C12orf56: variants seen among roughly 807,000 people sequenced by gnomAD.
C12orf56 encodes the protein chromosome 12 open reading frame 56.
In C12orf56, 71 loss-of-function variants were observed where a neutral mutation model predicts 69.9. The observed-to-expected ratio is 1.02, with a 90% CI of 0.84 to 1.24. The LOEUF is 1.24. C12orf56 is among the 50% of genes most tolerant of loss of function. C12orf56 has a pLI of 0.00. For synonymous variants in C12orf56, 276 were observed against 274.1 expected (o/e 1.01, Z -0.07); for missense variants, 732 against 738.5 (o/e 0.99, Z 0.10).
At chr12:64,282,897 A>G (rs2136762517) in intron 8 of C12orf56, among the ~76,000 whole-genome samples, 1 of 152,036 alleles carries the variant, frequency 6.6e-6, no homozygotes, top group East Asian at 1.9e-4. Context: ...TAATCCCAGC[A>G]CTTTGGGAGG....
Position 64,277,765 on chromosome 12 carries a change from TC to T in C12orf56, c.1348del (p.Glu450SerfsTer21). 1 of 1,601,884 alleles carries T rather than the reference TC, an allele frequency of 6.2e-7. No homozygotes were observed. The highest frequency in any genetic ancestry group is 8.5e-7 in the Non-Finnish European group (1 of 1,172,926). ...LFNLLVILIS[E>X]PQIPKSCPVF... ...AGGACAAGATTTTGGAATCTGAGGC[TC>T]ACTAATTAAAATTACCAAGAGATTA... On this transcript the variant is annotated frameshift_variant, in exon 9 of 13. Coordinates refer to ENST00000543942, the MANE Select transcript of C12orf56 (RefSeq NM_001170633.2). LOFTEE classifies it high-confidence loss of function.
rs180944120 is a variant in C12orf56 at position 64,379,645 on chromosome 12, T to C, written c.252+10669A>G. 5.1e-3 allele frequency among the ~76,000 whole-genome samples: 776 copies of C among 152,140 alleles called. 3 individuals carry two copies. Among genetic ancestry groups the C allele is most frequent in the Non-Finnish European group, 8.4e-3 (570 of 68,004 alleles). On this transcript the variant is annotated intron_variant, in intron 1 of 12. Transcript: ENST00000543942. ...ATAATTTAGAAAAAGACAAATTGAC[T>C]GATGTGAGTTTACCACTTCCTGCTG...
chr12:64,329,524 TA>T (rs1269564102), intron 3 of C12orf56, among the ~76,000 whole-genome samples: 2 of 144,094 alleles, frequency 1.4e-5, no homozygotes, highest in Non-Finnish European at 3.1e-5. Flanking sequence ...TTTATTTATT[TA>T]TTTATTTTTT....
At chr12:64,308,529 A>G (rs1427815464) in intron 5 of C12orf56, among the ~76,000 whole-genome samples, 2 of 151,954 alleles carry the variant, frequency 1.3e-5, no homozygotes, top group Non-Finnish European at 1.5e-5. Flanking sequence ...ATACATCAAA[A>G]TGGAGAAAAT....
intron 6 of C12orf56, chr12:64,293,157 C>T (rs989014057): frequency 6.6e-6 from 1 of 152,348 alleles, no homozygotes; most frequent in Non-Finnish European, 1.5e-5. Context: ...GGAAAGGGAA[C>T]TCCCTGACCC....
intron 12 of C12orf56, among the ~76,000 whole-genome samples, chr12:64,269,714 G>C (rs959432982): frequency 2.0e-5 from 3 of 151,538 alleles, no homozygotes; most frequent in Non-Finnish European, 4.4e-5. Context: ...TCAGCCTCCC[G>C]AATAGCTGGG....
At chr12:64,318,102 C>T (rs1403855037) in intron 4 of C12orf56, among the ~76,000 whole-genome samples, 1 of 151,988 alleles carries the variant, frequency 6.6e-6, no homozygotes, top group East Asian at 1.9e-4. Flanking sequence ...CCTCTGTCGC[C>T]CTGGAGTGCA....
chr12:64,267,563 T>C (rs1166097557), intron 12 of C12orf56: 3 of 388,194 alleles, frequency 7.7e-6, no homozygotes, highest in African/African-American at 6.4e-5. Flanking sequence ...AGGCTCCTGC[T>C]TCTTGGTTTA....
At chr12:64,338,574 T>A in intron 2 of C12orf56, 2 of 1,535,466 alleles carry the variant, frequency 1.3e-6, no homozygotes, top group Non-Finnish European at 9.0e-7. Flanking sequence ...TTCATCAAAT[T>A]GGACATCTGA....
At chr12:64,276,006 C>T (rs114396380) in intron 9 of C12orf56, among the ~76,000 whole-genome samples, 34,046 of 150,520 alleles carry the variant, frequency 0.23, 4,127 homozygotes, top group East Asian at 0.5. Context: ...TACACACCCC[C>T]CCCCGCGAGT....
intron 1 of C12orf56, among the ~76,000 whole-genome samples, chr12:64,380,225 T>C (rs985242218): frequency 1.4e-5 from 2 of 147,680 alleles, no homozygotes; most frequent in African/African-American, 5.1e-5. Context: ...GAGCTAAACA[T>C]GAGCATCATG....
intron 2 of C12orf56, chr12:64,352,514 G>T (rs12304618): frequency 0.012 from 1,930 of 156,180 alleles, 44 homozygotes; most frequent in African/African-American, 0.044. Context: ...CCTGCCCAGG[G>T]TCTTGTCTGG....
chr12:64,296,887 A>T lies in C12orf56; in HGVS notation c.1113+6748T>A, dbSNP rs187033585. Among the ~76,000 whole-genome samples, 310 of 137,332 alleles carry T rather than the reference A, an allele frequency of 2.3e-3. 1 individual carries two copies. Among genetic ancestry groups the T allele is most frequent in the African/African-American group, 7.5e-3 (277 of 36,924 alleles). 90.1% of individuals were successfully genotyped at this position (137,332 alleles called of 152,430 possible). A position where few individuals can be genotyped will look rare whatever the true frequency, so the allele number is the denominator to read the frequency against. On this transcript the variant is annotated intron_variant, in intron 6 of 12. Transcript: ENST00000543942. ...CTTCCACCCTTTTTTTTTTTTTTGCATGCTCTTTTGCCCTCTGCCTTCTCA... is the reference window on the plus strand; with the variant it reads ...CTTCCACCCTTTTTTTTTTTTTTGCTTGCTCTTTTGCCCTCTGCCTTCTCA...
At chr12:64,331,261 A>C (rs781022557) in intron 2 of C12orf56, among the ~76,000 whole-genome samples, 1 of 152,144 alleles carries the variant, frequency 6.6e-6, no homozygotes, top group Non-Finnish European at 1.5e-5. Flanking sequence ...AACATTTTAG[A>C]AGGCTGAAGT....
At chr12:64,352,107 T>G (rs1427224756) in intron 2 of C12orf56, among the ~76,000 whole-genome samples, 5 of 114,202 alleles carry the variant, frequency 4.4e-5, no homozygotes, top group African/African-American at 1.6e-4. Context: ...TTGTTTTTTT[T>G]TTTTTTTTGT....
chr12:64,297,716 C>G (rs1019070005), intron 6 of C12orf56, among the ~76,000 whole-genome samples: 21 of 152,170 alleles, frequency 1.4e-4, no homozygotes, highest in Admixed American at 8.5e-4. Flanking sequence ...AGGACATGAA[C>G]TCATCTTTTT....
At chr12:64,360,833 T>C (rs1477064917) in intron 1 of C12orf56, among the ~76,000 whole-genome samples, 11 of 152,346 alleles carry the variant, frequency 7.2e-5, no homozygotes, top group Non-Finnish European at 1.5e-5. Flanking sequence ...TAGTTTTTTT[T>C]CCTAAGAATT....
Position 64,318,664 on chromosome 12 carries a change from T to TC in C12orf56, c.804dup (p.Lys269GlufsTer42). On this transcript the variant is annotated frameshift_variant, in exon 4 of 13. Coordinates refer to ENST00000543942, the MANE Select transcript of C12orf56 (RefSeq NM_001170633.2). LOFTEE classifies it high-confidence loss of function. ...TACAAATGAAGTTCTGACTCCTTTTTCTCTAAATTTGAGTTGCTCTGTGAA... is the reference window on the plus strand; with the variant it reads ...TACAAATGAAGTTCTGACTCCTTTTTCCTCTAAATTTGAGTTGCTCTGTGAA... The TC allele has an allele frequency of 6.5e-7, 1 of 1,537,088 alleles. No individual in the cohort carries two copies. Among genetic ancestry groups the TC allele is most frequent in the Non-Finnish European group, 8.7e-7 (1 of 1,146,746 alleles).
chr12:64,349,772 C>T (rs991875061), intron 2 of C12orf56, among the ~76,000 whole-genome samples: 3 of 152,100 alleles, frequency 2.0e-5, no homozygotes, highest in Non-Finnish European at 4.4e-5. Context: ...TTTGTGGTAG[C>T]TAACCTATGA....
Sources: gnomAD v4.1 joint callset for allele counts (sites outside exome capture counted in the v4.1 genomes callset) on GRCh38, gnomAD v4.1.1 for gene constraint, MANE v1.5 for transcripts, NCBI Gene and HGNC (gene_info 2026-07-23, HGNC 2026-07-21) for gene names.